The following MALT1 variants were observed in gnomAD, a reference collection of about 807,000 sequenced individuals.
MALT1 encodes MALT1 paracaspase.
In MALT1, 36 loss-of-function variants were observed where a neutral mutation model predicts 85.5. That is an observed-to-expected ratio of 0.42 (90% CI 0.32 to 0.56). The LOEUF is 0.56. MALT1 is among the 20% of genes least tolerant of loss of function. The pLI is 0.10. For synonymous variants in MALT1, 359 were observed against 361.3 expected (o/e 0.99, Z 0.07); for missense variants, 716 against 981.6 (o/e 0.73, Z 3.62).
At chr18:58,721,264 A>G (rs1037301024) in intron 9 of MALT1, among the ~76,000 whole-genome samples, 3 of 152,130 alleles carry the variant, frequency 2.0e-5, no homozygotes, top group Admixed American at 6.6e-5. Context: ...CTGTAATCCC[A>G]GCTACTCGGG....
In MALT1 at chr18:58,747,345, T is replaced by C; in HGVS notation, c.2038-60T>C. The stretch of plus-strand genomic sequence containing the variant: ...TGGGGGTGTGTATGTGTGAATATTT[T>C]CAGATTGATATATATTCACTGTTGA... On this transcript the variant is annotated intron_variant, in intron 16 of 16. Coordinates refer to ENST00000649217, the MANE Select transcript of MALT1 (RefSeq NM_006785.4). 2.8e-6 allele frequency: 3 copies of C among 1,089,782 alleles called. No homozygotes were observed. In the East Asian group the frequency reaches 7.1e-5, roughly 26 times the overall value. 67.5% of individuals were successfully genotyped at this position (1,089,782 alleles called of 1,614,324 possible). A position where few individuals can be genotyped will look rare whatever the true frequency, so the allele number is the denominator to read the frequency against.
chr18:58,705,776 A>C (rs1360264443), intron 4 of MALT1, among the ~76,000 whole-genome samples: 1 of 152,144 alleles, frequency 6.6e-6, no homozygotes, highest in Non-Finnish European at 1.5e-5. Context: ...ATAATGCCGC[A>C]GTAAACATAC....
intron 3 of MALT1, among the ~76,000 whole-genome samples, chr18:58,699,827 A>G (rs184822808): frequency 6.6e-5 from 10 of 152,318 alleles, no homozygotes; most frequent in African/African-American, 2.2e-4. Flanking sequence ...AAACCTTACT[A>G]TTGGAGGTGG....
At chr18:58,727,622 TTTTTTG>T (rs1480090934) in intron 10 of MALT1, among the ~76,000 whole-genome samples, 12 of 127,524 alleles carry the variant, frequency 9.4e-5, no homozygotes, top group African/African-American at 2.0e-4. Context: ...TTGTGTTTTT[TTTTTTG>T]TTTTTTTTTT....
In MALT1 at chr18:58,754,020, CAGAT is replaced by C. The variant is rs560040499; in HGVS notation, c.*6182_*6185del. ...AGTTGCTAATTAGGCACCAGGGTAGCAGATAGAATGCCTTTCTGTGTGCTAGGTT... is the reference window on the plus strand; with the variant it reads ...AGTTGCTAATTAGGCACCAGGGTAGCAGAATGCCTTTCTGTGTGCTAGGTT... On this transcript the variant is annotated 3_prime_UTR_variant, in exon 17 of 17. Coordinates refer to ENST00000649217, the MANE Select transcript of MALT1 (RefSeq NM_006785.4). 9 of 152,278 alleles carry C rather than the reference CAGAT, an allele frequency of 5.9e-5. No individual in the cohort carries two copies. In the South Asian group the frequency reaches 1.7e-3, roughly 28 times the overall value. The allele number at this position is 152,278 out of a possible 1,614,324, so 9.4% of individuals were successfully genotyped here.
chr18:58,750,371 T>C lies in MALT1; in HGVS notation c.*2529T>C, dbSNP rs576621408. 1 of 153,252 alleles carries C rather than the reference T, an allele frequency of 6.5e-6. No homozygotes were observed. Among genetic ancestry groups the C allele is most frequent in the East Asian group, 1.9e-4 (1 of 5,320 alleles). The allele number at this position is 153,252 out of a possible 1,614,324, so 9.5% of individuals were successfully genotyped here. A position where few individuals can be genotyped will look rare whatever the true frequency, so the allele number is the denominator to read the frequency against. On this transcript the variant is annotated 3_prime_UTR_variant, in exon 17 of 17. Transcript: ENST00000649217. ...TATTCAACAATTCCTATCAAAATCC[T>C]AGCTGTATTTTTTGCAGAAATTGAC...
At chr18:58,697,569 A>G (rs1346034203) in intron 3 of MALT1, among the ~76,000 whole-genome samples, 1 of 152,176 alleles carries the variant, frequency 6.6e-6, no homozygotes, top group Non-Finnish European at 1.5e-5. Flanking sequence ...TTTTTTTATC[A>G]TATTTTCTCA....
chr18:58,696,630 T>A, intron 3 of MALT1, 143 bp downstream of exon 3: 1 of 573,110 alleles, frequency 1.7e-6, no homozygotes, highest in African/African-American at 2.0e-5. Flanking sequence ...AAGTAGTCAA[T>A]AGTCATTATT....
chr18:58,681,101 G>A, intron 1 of MALT1, 69 bp from the exon 2 acceptor site: 1 of 1,439,104 alleles, frequency 6.9e-7, no homozygotes, highest in East Asian at 2.3e-5. Context: ...CACCACCGTG[G>A]TCCAGATATA....
At chr18:58,687,852 C>T (rs759196397) in intron 2 of MALT1, among the ~76,000 whole-genome samples, 10 of 152,108 alleles carry the variant, frequency 6.6e-5, no homozygotes, top group Non-Finnish European at 1.0e-4. Context: ...ACTTGTTTAT[C>T]GGCATATGTG....
At chr18:58,683,671 A>G (rs2054355757) in intron 2 of MALT1, among the ~76,000 whole-genome samples, 1 of 152,236 alleles carries the variant, frequency 6.6e-6, no homozygotes. Flanking sequence ...CCTAATAAAC[A>G]TTAGTAATCT....
At chr18:58,694,365 T>G (rs549310406) in intron 2 of MALT1, among the ~76,000 whole-genome samples, 2 of 152,358 alleles carry the variant, frequency 1.3e-5, no homozygotes, top group Non-Finnish European at 2.9e-5. Flanking sequence ...TTTGATGTAT[T>G]AAGATTACTG....
Position 58,671,740 on chromosome 18 carries a change from C to T in MALT1, c.97C>T (p.Leu33=), listed in dbSNP as rs1568117025. 3.9e-6 allele frequency: 5 copies of T among 1,277,658 alleles called. No homozygotes were observed. The highest frequency in any genetic ancestry group is 4.9e-6 in the Non-Finnish European group (5 of 1,012,488). The allele number at this position is 1,277,658 out of a possible 1,614,324, so 79.1% of individuals were successfully genotyped here. A position where few individuals can be genotyped will look rare whatever the true frequency, so the allele number is the denominator to read the frequency against. ...TCCGGCCGGCGCGACCCTCAACCGC[C>T]TGCGGGAGCCGCTGCTGCGGAGGCT... ...APPAGATLNR[L]REPLLRRLSE... Residue 33 remains leucine, a synonymous_variant, in exon 1 of 17, where the codon CTG becomes TTG. Coordinates refer to ENST00000649217, the MANE Select transcript of MALT1 (RefSeq NM_006785.4).
rs938199432 is a variant in MALT1, at chr18:58,752,392, A to T, written c.*4550A>T. On this transcript the variant is annotated 3_prime_UTR_variant, in exon 17 of 17. Coordinates refer to ENST00000649217, the MANE Select transcript of MALT1 (RefSeq NM_006785.4). ...ACGCTTATATACTGTCATTACTTTTATCTGTCAACTGATGTCAGCTACTCA... is the reference window on the plus strand; with the variant it reads ...ACGCTTATATACTGTCATTACTTTTTTCTGTCAACTGATGTCAGCTACTCA... The T allele has an allele frequency of 6.6e-6, 1 of 152,156 alleles. No individual in the cohort carries two copies. The highest frequency in any genetic ancestry group is 2.4e-5 in the African/African-American group (1 of 41,428). The allele number at this position is 152,156 out of a possible 1,614,324, so 9.4% of individuals were successfully genotyped here.
At chr18:58,685,447 C>G (rs2054388196) in intron 2 of MALT1, among the ~76,000 whole-genome samples, 1 of 152,160 alleles carries the variant, frequency 6.6e-6, no homozygotes, top group African/African-American at 2.4e-5. Context: ...TGGAGTTTCT[C>G]TGTCTTTTGA....
Position 58,733,686 on chromosome 18 carries a change from TACATTGAA to T in MALT1, c.1400+115_1400+122del, listed in dbSNP as rs1262863249. The T allele has an allele frequency of 1.4e-5, 13 of 914,880 alleles. No homozygotes were observed. In the African/African-American group the frequency reaches 2.2e-4, roughly 15 times the overall value. The allele number at this position is 914,880 out of a possible 1,614,324, so 56.7% of individuals were successfully genotyped here. On this transcript the variant is annotated intron_variant, in intron 11 of 16. Coordinates refer to ENST00000649217, the MANE Select transcript of MALT1 (RefSeq NM_006785.4). ...ATTTGCGTTTGTGAATTTTAGTTTA[TACATTGAA>T]ACTGGAAGAACAAAACTAGAGGAAA... is the stretch of plus-strand genomic sequence containing the variant.
intron 7 of MALT1, among the ~76,000 whole-genome samples, chr18:58,712,284 T>TTA (rs1179037495): frequency 1.3e-5 from 2 of 152,096 alleles, no homozygotes; most frequent in Admixed American, 6.6e-5. Context: ...GTGTCCTTTA[T>TTA]TATATATATA....
At position 58,748,563 on chromosome 18, in the gene MALT1, A is replaced by AT. The variant is rs2055405027; in HGVS notation, c.*721_*722insT. 1.6e-5 allele frequency: 3 copies of AT among 188,208 alleles called. No homozygotes were observed. Among genetic ancestry groups the AT allele is most frequent in the African/African-American group, 2.3e-5 (1 of 42,958 alleles). 11.7% of individuals were successfully genotyped at this position (188,208 alleles called of 1,614,324 possible). On this transcript the variant is annotated 3_prime_UTR_variant, in exon 17 of 17. Transcript: ENST00000649217. ...TTATGAAACCACATGAGAAGTGATAAAATGTTTGTTAAAGCTAGATAGAGG... is the reference window on the plus strand; with the variant it reads ...TTATGAAACCACATGAGAAGTGATAATAATGTTTGTTAAAGCTAGATAGAGG...
At chr18:58,692,444 C>CT (rs1568129462) in intron 2 of MALT1, among the ~76,000 whole-genome samples, 4,677 of 24,104 alleles carry the variant, frequency 0.19, 227 homozygotes, top group East Asian at 0.38. Flanking sequence ...CTCACTCTCT[C>CT]CCTCCCTCCC....
Sources: gnomAD v4.1 joint callset for allele counts (sites outside exome capture counted in the v4.1 genomes callset) on GRCh38, gnomAD v4.1.1 for gene constraint, MANE v1.5 for transcripts, NCBI Gene and HGNC (gene_info 2026-07-23, HGNC 2026-07-21) for gene names.